Variants in HBP1 observed in about 807,000 individuals in gnomAD.
HBP1 encodes HMG-box transcription factor 1.
In HBP1, 20 loss-of-function variants were observed where a neutral mutation model predicts 62.6. The observed-to-expected ratio is 0.32, with a 90% confidence interval of 0.22 to 0.46. HBP1 has a LOEUF of 0.46. HBP1 is among the 20% of genes least tolerant of loss of function. HBP1 has a pLI of 1.00. For missense variants in HBP1, 480 were observed against 611.8 expected (o/e 0.78, Z 2.27); for synonymous variants, 232 against 206.2 (o/e 1.12, Z -1.07).
At chr7:107,184,131 AACAG>A (rs1797242630) in intron 3 of HBP1, among the ~76,000 whole-genome samples, 1 of 152,156 alleles carries the variant, frequency 6.6e-6, no homozygotes, top group Non-Finnish European at 1.5e-5. Context: ...TAAATGGTTA[AACAG>A]AAGAACTGAT....
chr7:107,197,159 C>G lies in HBP1; in HGVS notation c.1385+1008C>G, dbSNP rs530918825. ...GTACCCTTACTCATCTCCGAGTCCT[C>G]TACTGCTGAATCCCTCTCAAACCAG... On this transcript the variant is annotated intron_variant, in intron 9 of 10. Coordinates refer to ENST00000222574, the MANE Select transcript of HBP1 (RefSeq NM_012257.4). 3.3e-5 allele frequency: 5 copies of G among 152,330 alleles called. No individual in the cohort carries two copies. In the East Asian group the frequency reaches 9.6e-4, roughly 29 times the overall value. 9.4% of individuals were successfully genotyped at this position (152,330 alleles called of 1,614,324 possible).
At chr7:107,179,784 AAAC>A in intron 1 of HBP1, 92 bp from the exon 2 acceptor site, 1 of 792,518 alleles carries the variant, frequency 1.3e-6, no homozygotes, top group South Asian at 2.3e-5. Context: ...AAAAAAAACA[AAAC>A]AACATTGTCA....
At chr7:107,170,000 C>G (rs964470231) in intron 1 of HBP1, 1 of 985,452 alleles carries the variant, frequency 1.0e-6, no homozygotes, top group Non-Finnish European at 1.2e-6. Flanking sequence ...AAGTGGACAG[C>G]CAGGTTTTTG....
At chr7:107,191,841 C>T (rs1387880091) in intron 8 of HBP1, among the ~76,000 whole-genome samples, 1 of 152,080 alleles carries the variant, frequency 6.6e-6, no homozygotes, top group East Asian at 1.9e-4. Context: ...TCAGGGGTCC[C>T]TAAAGACTAG....
chr7:107,172,011 A>G (rs1796624540), intron 1 of HBP1, among the ~76,000 whole-genome samples: 1 of 152,124 alleles, frequency 6.6e-6, no homozygotes, highest in African/African-American at 2.4e-5. Context: ...TTCAGGGAAA[A>G]ATGGCATACT....
At position 107,174,662 on chromosome 7, in the gene HBP1, C is replaced by A. The variant is rs922392537; in HGVS notation, c.-15-5217C>A. 9 of 984,062 alleles carry A rather than the reference C, an allele frequency of 9.1e-6. No homozygotes were observed. In the East Asian group the frequency reaches 8.0e-4, roughly 87 times the overall value. The allele number at this position is 984,062 out of a possible 1,614,324, so 61.0% of individuals were successfully genotyped here. A position where few individuals can be genotyped will look rare whatever the true frequency, so the allele number is the denominator to read the frequency against. On this transcript the variant is annotated intron_variant, in intron 1 of 10. Coordinates refer to ENST00000222574, the MANE Select transcript of HBP1 (RefSeq NM_012257.4). ...AGACTGCAGCTGTGCTTCTGTGGAC[C>A]CCAAGAACAGCACTGTTCATACACA...
intron 9 of HBP1, among the ~76,000 whole-genome samples, chr7:107,197,702 A>C (rs570551969): frequency 6.6e-6 from 1 of 152,266 alleles, no homozygotes; most frequent in South Asian, 2.1e-4. Context: ...GAAATGTTTT[A>C]ACTCTTGGAT....
At chr7:107,191,455 A>C (rs1797645193) in intron 8 of HBP1, among the ~76,000 whole-genome samples, 1 of 152,200 alleles carries the variant, frequency 6.6e-6, no homozygotes, top group Non-Finnish European at 1.5e-5. Flanking sequence ...TTTATCTTGT[A>C]AAGGTGAGTA....
intron 2 of HBP1, 30 bp downstream of exon 2, chr7:107,180,092 C>A: frequency 7.1e-7 from 1 of 1,402,036 alleles, no homozygotes; most frequent in Non-Finnish European, 9.9e-7. Context: ...ATATAGAAAT[C>A]TCACTAAGAT....
At chr7:107,198,518 T>C (rs1030769144) in intron 9 of HBP1, among the ~76,000 whole-genome samples, 1 of 152,150 alleles carries the variant, frequency 6.6e-6, no homozygotes, top group Non-Finnish European at 1.5e-5. Context: ...CCAAATCTGG[T>C]ATTTTCTTTG....
In HBP1 at chr7:107,186,367, A is replaced by G; in HGVS notation, c.547A>G (p.Ser183Gly). ...ATAATATTTTTCTCCATAGGCAAATAGTGAGTCAGAATCTGGCATTTTCTG... is the reference window on the plus strand; with the variant it reads ...ATAATATTTTTCTCCATAGGCAAATGGTGAGTCAGAATCTGGCATTTTCTG... ...ETPVRHERAN[S>G]ESESGIFCMS... The change falls in exon 5 of 11, where the codon AGT (serine) becomes GGT (glycine). Residue 183 changes from serine (S) to glycine (G), a missense_variant. Physicochemically the swap from Ser to Gly is moderately conservative, Grantham distance 56. This residue lies in a region of HBP1 where 304 missense variants were observed against 330.9 expected (regional missense o/e 0.92). Transcript: ENST00000222574. 6.3e-7 allele frequency: 1 copy of G among 1,587,718 alleles called. No individual in the cohort carries two copies. Among genetic ancestry groups the G allele is most frequent in the Non-Finnish European group, 8.6e-7 (1 of 1,158,370 alleles).
intron 1 of HBP1, among the ~76,000 whole-genome samples, chr7:107,177,828 G>T (rs1344926082): frequency 6.6e-6 from 1 of 152,132 alleles, no homozygotes; most frequent in African/African-American, 2.4e-5. Context: ...GGTGGGGTTA[G>T]AAGTAATCAT....
At chr7:107,198,800 A>AATC (rs1381155498) in intron 9 of HBP1, among the ~76,000 whole-genome samples, 1 of 152,320 alleles carries the variant, frequency 6.6e-6, no homozygotes, top group East Asian at 1.9e-4. Context: ...CTGCAGAAAT[A>AATC]ATCTTTAGAT....
At chr7:107,169,642 C>G (rs1458874133) in intron 1 of HBP1, 3 of 667,858 alleles carry the variant, frequency 4.5e-6, no homozygotes, top group African/African-American at 3.9e-5. Flanking sequence ...GAGGCGCCGC[C>G]TCCTTCTGGA....
At position 107,195,846 on chromosome 7, in the gene HBP1, A is replaced by C. The variant is rs750143624; in HGVS notation, c.1080A>C (p.Thr360=). Residue 360 remains threonine, a synonymous_variant, in exon 9 of 11, where the codon ACA becomes ACC. Transcript: ENST00000222574. ...TTTAATTTTATAGCTATGACTTCAC[A>C]CCTATGGATTCTTCTGCAGTTTATG... is the stretch of plus-strand genomic sequence containing the variant. The part of the protein sequence containing the change: ...VFDTFKSYDF[T]PMDSSAVYVL... 36 of 1,559,012 alleles carry C rather than the reference A, an allele frequency of 2.3e-5. No individual in the cohort carries two copies. The highest frequency in any genetic ancestry group is 2.8e-5 in the Non-Finnish European group (32 of 1,135,668).
chr7:107,188,650 T>G (rs1371782298), intron 6 of HBP1, among the ~76,000 whole-genome samples: 3 of 152,260 alleles, frequency 2.0e-5, no homozygotes, highest in African/African-American at 7.2e-5. Context: ...GTTCTATTAC[T>G]ATTGCACTTG....
chr7:107,201,453 A>G lies in HBP1; in HGVS notation c.*22A>G, dbSNP rs1798296066. On this transcript the variant is annotated 3_prime_UTR_variant, in exon 11 of 11. Coordinates refer to ENST00000222574, the MANE Select transcript of HBP1 (RefSeq NM_012257.4). ...TTAAACCAGGATGCTTATGTTCTTAAGTCTATATTTGCATATACATTGACT... is the reference window on the plus strand; with the variant it reads ...TTAAACCAGGATGCTTATGTTCTTAGGTCTATATTTGCATATACATTGACT... The G allele has an allele frequency of 2.0e-6, 3 of 1,525,948 alleles. No homozygotes were observed. The highest frequency in any genetic ancestry group is 2.7e-6 in the Non-Finnish European group (3 of 1,102,112). The allele number at this position is 1,525,948 out of a possible 1,614,324, so 94.5% of individuals were successfully genotyped here. A position where few individuals can be genotyped will look rare whatever the true frequency, so the allele number is the denominator to read the frequency against.
At chr7:107,198,680 G>GAAGA (rs1798047838) in intron 9 of HBP1, among the ~76,000 whole-genome samples, 1 of 143,858 alleles carries the variant, frequency 7.0e-6, no homozygotes, top group Non-Finnish European at 1.6e-5. Flanking sequence ...TTAATTCAAT[G>GAAGA]AATAAATTCT....
intron 3 of HBP1, among the ~76,000 whole-genome samples, chr7:107,185,269 G>C (rs1584488697): frequency 6.6e-6 from 1 of 152,180 alleles, no homozygotes; most frequent in East Asian, 1.9e-4. Context: ...ATAGTGTCCA[G>C]TTACAAGGAG....
Sources: allele counts gnomAD v4.1 joint callset (sites outside exome capture counted in the v4.1 genomes callset), GRCh38; gene constraint gnomAD v4.1.1; regional missense constraint gnomAD v4.1.1; transcripts MANE v1.5; gene names NCBI Gene and HGNC (gene_info 2026-07-23, HGNC 2026-07-21).